Variants in ZSCAN25 observed in about 807,000 individuals in gnomAD.
The protein encoded by ZSCAN25 is zinc finger and SCAN domain-containing protein 25.
ZSCAN25 carries 27 observed loss-of-function variants against 38.7 expected under a neutral mutation model. The observed-to-expected ratio is 0.70, with a 90% CI of 0.51 to 0.96. The LOEUF (loss-of-function observed/expected upper bound fraction) is 0.96, where lower values mean the gene tolerates loss of function less well. ZSCAN25 is among the 40% of genes least tolerant of loss of function. The pLI is 0.00. For synonymous variants in ZSCAN25, 273 were observed against 277.7 expected (o/e 0.98, Z 0.17); for missense variants, 637 against 705.9 (o/e 0.90, Z 1.11).
chr7:99,720,496 C>A, the ZSCAN25 span: 1 of 1,441,398 alleles, frequency 6.9e-7, no homozygotes, highest in South Asian at 1.2e-5. Context: ...GACTTTGATC[C>A]GGACATTACA....
chr7:99,680,220 T>G, the ZSCAN25 span, among the ~76,000 whole-genome samples: 1 of 152,070 alleles, frequency 6.6e-6, no homozygotes, highest in South Asian at 2.1e-4. Flanking sequence ...CTATTAACCC[T>G]CCTCTCACCT....
At chr7:99,653,538 G>C in the ZSCAN25 span, among the ~76,000 whole-genome samples, 6 of 152,106 alleles carry the variant, frequency 3.9e-5, no homozygotes, top group Non-Finnish European at 8.8e-5. The surrounding 1 kb of genome is among the most constrained non-coding windows in gnomAD (Gnocchi z 4.2). Context: ...ATAAATTTAT[G>C]ATTGGATGCT....
chr7:99,644,174 G>A, the ZSCAN25 span, among the ~76,000 whole-genome samples: 19 of 152,126 alleles, frequency 1.2e-4, no homozygotes, highest in African/African-American at 3.9e-4. Context: ...CTGAGTCATT[G>A]TTTTACACCA....
the ZSCAN25 span, among the ~76,000 whole-genome samples, chr7:99,714,362 C>T: frequency 6.6e-6 from 1 of 152,146 alleles, no homozygotes; most frequent in African/African-American, 2.4e-5. Context: ...CTCTCTCTGA[C>T]TCATTCTCAT....
At chr7:99,679,850 G>A in the ZSCAN25 span, 2 of 1,614,166 alleles carry the variant, frequency 1.2e-6, no homozygotes, top group East Asian at 4.5e-5. Flanking sequence ...CAGGCTGACA[G>A]CCAGGAGAAG....
At chr7:99,718,266 T>A in the ZSCAN25 span, among the ~76,000 whole-genome samples, 1 of 152,156 alleles carries the variant, frequency 6.6e-6, no homozygotes, top group Non-Finnish European at 1.5e-5. Flanking sequence ...AAAAAAAGTA[T>A]AATAAAAAAG....
the ZSCAN25 span, among the ~76,000 whole-genome samples, chr7:99,737,417 C>G: frequency 6.6e-6 from 1 of 152,054 alleles, no homozygotes; most frequent in Admixed American, 6.5e-5. Context: ...TTTTCTAGAA[C>G]AAAGGACTCC....
Position 99,619,496 on chromosome 7 carries a change from T to TATTC in ZSCAN25, c.-46-64_-46-61dup, listed in dbSNP as rs1444045791. 3 of 1,267,186 alleles carry TATTC rather than the reference T, an allele frequency of 2.4e-6. No homozygotes were observed. The Admixed American group carries it at 6.8e-5, about 29-fold the overall frequency. The allele number at this position is 1,267,186 out of a possible 1,614,324, so 78.5% of individuals were successfully genotyped here. On this transcript the variant is annotated intron_variant, in intron 3 of 7. Coordinates refer to ENST00000394152, the MANE Select transcript of ZSCAN25 (RefSeq NM_145115.3). ...GTAATTACTGTGTTCTCCAGTGGAATATTCCTTGATGTAGAGACAGAACTG... is the reference window on the plus strand; with the variant it reads ...GTAATTACTGTGTTCTCCAGTGGAATATTCATTCCTTGATGTAGAGACAGAACTG...
At chr7:99,638,509 C>T in the ZSCAN25 span, 12 of 1,501,858 alleles carry the variant, frequency 8.0e-6, no homozygotes, top group Admixed American at 3.4e-5. Flanking sequence ...CAGTCCACTA[C>T]GAAGATCAGA....
At chr7:99,636,890 G>A (rs117807923), downstream of ZSCAN25, among the ~76,000 whole-genome samples, 64 of 152,264 alleles carry the variant, frequency 4.2e-4, no homozygotes, top group Non-Finnish European at 7.1e-4. Context: ...TAGGTTCTTT[G>A]TCCTCATCCT....
chr7:99,637,225 G>A (rs1279040795), downstream of ZSCAN25, among the ~76,000 whole-genome samples: 1 of 152,080 alleles, frequency 6.6e-6, no homozygotes, highest in African/African-American at 2.4e-5. Context: ...CTTTATTAAT[G>A]AACAAAGTAA....
At chr7:99,617,346 G>A (rs1463047157) in intron 1 of ZSCAN25, among the ~76,000 whole-genome samples, 3 of 152,216 alleles carry the variant, frequency 2.0e-5, no homozygotes, top group Admixed American at 6.5e-5. Flanking sequence ...CAAAGTGAAA[G>A]TAATCACATA....
the ZSCAN25 span, chr7:99,711,041 G>T: frequency 7.5e-7 from 1 of 1,338,606 alleles, no homozygotes; most frequent in Non-Finnish European, 1.0e-6. Context: ...GTTTCACTCT[G>T]ATGTGTGTCT....
chr7:99,638,154 G>A, the ZSCAN25 span: 1 of 1,221,400 alleles, frequency 8.2e-7, no homozygotes, highest in Non-Finnish European at 1.1e-6. Flanking sequence ...AAAGAAAAGT[G>A]GCAATTGAAA....
rs549620460 is a variant in ZSCAN25 at position 99,618,610 on chromosome 7, C to A, written c.-173C>A. The A allele has an allele frequency of 1.4e-4, 22 of 152,218 alleles. No homozygotes were observed. Among genetic ancestry groups the A allele is most frequent in the Non-Finnish European group, 2.6e-4 (18 of 68,012 alleles). The allele number at this position is 152,218 out of a possible 1,614,324, so 9.4% of individuals were successfully genotyped here. A position where few individuals can be genotyped will look rare whatever the true frequency, so the allele number is the denominator to read the frequency against. Reference sequence around the variant, plus strand: ...CGTCTTGATTTTGTCTGACTCTTTGCCACCACCCTGATCTAAGCCCTTATC... The same window carrying A: ...CGTCTTGATTTTGTCTGACTCTTTGACACCACCCTGATCTAAGCCCTTATC... On this transcript the variant is annotated 5_prime_UTR_variant, in exon 2 of 8. Coordinates refer to ENST00000394152, the MANE Select transcript of ZSCAN25 (RefSeq NM_145115.3).
the ZSCAN25 span, chr7:99,676,303 G>A: frequency 6.3e-7 from 1 of 1,589,414 alleles, no homozygotes; most frequent in Non-Finnish European, 8.6e-7. Context: ...TCAAGAGAGG[G>A]AGGTAATATG....
the ZSCAN25 span, chr7:99,695,663 C>A: frequency 2.5e-6 from 3 of 1,179,736 alleles, no homozygotes; most frequent in Admixed American, 2.1e-5. Context: ...GACCTTCCTC[C>A]TGAGGAGAAG....
the ZSCAN25 span, chr7:99,731,266 C>A: frequency 8.3e-7 from 1 of 1,204,582 alleles, no homozygotes; most frequent in Admixed American, 2.2e-5. Context: ...AACATTAAGG[C>A]AATAAAAAAT....
At chr7:99,697,947 C>G in the ZSCAN25 span, among the ~76,000 whole-genome samples, 1 of 152,190 alleles carries the variant, frequency 6.6e-6, no homozygotes, top group African/African-American at 2.4e-5. Context: ...CAGGTCAGGA[C>G]AAACTATTGA....
Sources: allele counts gnomAD v4.1 joint callset (sites outside exome capture counted in the v4.1 genomes callset), GRCh38; gene constraint gnomAD v4.1.1; non-coding constraint Gnocchi (gnomAD v3.1); transcripts MANE v1.5; gene names NCBI Gene and HGNC (gene_info 2026-07-23, HGNC 2026-07-21).